Variants in PLCB1 observed in about 807,000 individuals in gnomAD.
PLCB1 encodes the protein 1-phosphatidylinositol 4,5-bisphosphate phosphodiesterase beta-1.
In PLCB1, 46 loss-of-function variants were observed where a neutral mutation model predicts 161.8. The ratio of observed to expected loss-of-function variants is 0.28; its 90% CI spans 0.22 to 0.36. The LOEUF is 0.36. PLCB1 is among the 10% of genes least tolerant of loss of function. The probability of loss-of-function intolerance (pLI) is 1.00; values close to 1 mark genes in which losing one functional copy is unlikely to be tolerated. For missense variants in PLCB1, 1,016 were observed against 1,472.5 expected, an observed-to-expected ratio of 0.69 and a Z score of 5.07; for synonymous variants, 517 against 503.7, an observed-to-expected ratio of 1.03 and a Z score of -0.35.
intron 3 of PLCB1, among the ~76,000 whole-genome samples, chr20:8,474,750 G>A (rs570177579): frequency 1.3e-5 from 2 of 152,248 alleles, no homozygotes; most frequent in East Asian, 3.9e-4. Context: ...ATTGTCAAAG[G>A]ATGGGAGGTT....
intron 26 of PLCB1, among the ~76,000 whole-genome samples, chr20:8,772,579 G>T (rs1982743812): frequency 6.6e-6 from 1 of 152,214 alleles, no homozygotes; most frequent in African/African-American, 2.4e-5. Context: ...CTCTGCTAGA[G>T]TGGTTGGAAC....
At chr20:8,566,390 C>T (rs1600157728) in intron 3 of PLCB1, among the ~76,000 whole-genome samples, 1 of 152,216 alleles carries the variant, frequency 6.6e-6, no homozygotes, top group East Asian at 1.9e-4. Flanking sequence ...AGCAGGATAA[C>T]AGATATTCTA....
intron 2 of PLCB1, among the ~76,000 whole-genome samples, chr20:8,282,049 G>A (rs1982900332): frequency 6.6e-6 from 1 of 151,980 alleles, no homozygotes; most frequent in Non-Finnish European, 1.5e-5. Flanking sequence ...ACACAAACAT[G>A]TTAAAATGCT....
intron 3 of PLCB1, among the ~76,000 whole-genome samples, chr20:8,508,791 T>G (rs1983752830): frequency 6.6e-6 from 1 of 151,194 alleles, no homozygotes; most frequent in Non-Finnish European, 1.5e-5. Context: ...CTTTGAATTA[T>G]ATATATATAT....
intron 3 of PLCB1, among the ~76,000 whole-genome samples, chr20:8,408,876 A>G (rs775494928): frequency 2.6e-5 from 4 of 152,230 alleles, no homozygotes; most frequent in Admixed American, 6.5e-5. Flanking sequence ...GTCATGTAAC[A>G]GTAATAATTT....
intron 3 of PLCB1, among the ~76,000 whole-genome samples, chr20:8,387,446 A>G (rs1212862748): frequency 6.6e-6 from 1 of 152,222 alleles, no homozygotes. Flanking sequence ...CATTAAATTC[A>G]ACATCTTATA....
intron 2 of PLCB1, among the ~76,000 whole-genome samples, chr20:8,152,429 G>A (rs918652371): frequency 4.6e-5 from 7 of 152,172 alleles, no homozygotes; most frequent in African/African-American, 1.7e-4. Context: ...TAGAGTAAAT[G>A]TGTGCTAGAA....
chr20:8,455,492 G>C lies in PLCB1; in HGVS notation c.246+84042G>C, dbSNP rs1981273444. On this transcript the variant is annotated intron_variant, in intron 3 of 31. Coordinates refer to ENST00000338037, the MANE Select transcript of PLCB1 (RefSeq NM_015192.4). The stretch of plus-strand genomic sequence containing the variant: ...GTCTCGCTCTGTCACCCAGGCTAGA[G>C]TGCAGTCTTGCAATCTCGGCTCACT... 3.1e-5 allele frequency among the ~76,000 whole-genome samples: 4 copies of C among 127,614 alleles called. No homozygotes were observed. The South Asian group carries it at 1.0e-3, about 33-fold the overall frequency. The allele number at this position is 127,614 out of a possible 152,430, so 83.7% of individuals were successfully genotyped here.
intron 3 of PLCB1, among the ~76,000 whole-genome samples, chr20:8,595,355 GT>G (rs1419855269): frequency 7.2e-6 from 1 of 138,840 alleles, no homozygotes; most frequent in African/African-American, 2.9e-5. Context: ...GCGGTGTTTG[GT>G]TTTTTGTTCT....
At chr20:8,320,815 A>G (rs1211399937) in intron 2 of PLCB1, among the ~76,000 whole-genome samples, 1 of 138,228 alleles carries the variant, frequency 7.2e-6, no homozygotes, top group Non-Finnish European at 1.6e-5. Context: ...GAAAGAAAGA[A>G]AGGGAGGGAG....
At chr20:8,409,871 G>A (rs1419646461) in intron 3 of PLCB1, among the ~76,000 whole-genome samples, 1 of 152,128 alleles carries the variant, frequency 6.6e-6, no homozygotes, top group African/African-American at 2.4e-5. Context: ...AACTAAAGCA[G>A]AGTCACAGGA....
At chr20:8,591,138 G>A (rs920191650) in intron 3 of PLCB1, among the ~76,000 whole-genome samples, 9 of 152,286 alleles carry the variant, frequency 5.9e-5, no homozygotes, top group African/African-American at 2.2e-4. Context: ...CCATGTCCCT[G>A]CAAAGGACAT....
chr20:8,384,478 G>A (rs1170306012), intron 3 of PLCB1, among the ~76,000 whole-genome samples: 1 of 151,972 alleles, frequency 6.6e-6, no homozygotes, highest in Admixed American at 6.6e-5. Context: ...TGCTCCTTTA[G>A]CTCAGTGGAG....
chr20:8,616,734 G>A (rs540511489), intron 3 of PLCB1, among the ~76,000 whole-genome samples: 1 of 152,266 alleles, frequency 6.6e-6, no homozygotes, highest in Non-Finnish European at 1.5e-5. Context: ...TTGGAGCACT[G>A]GTCAACAGCA....
In PLCB1 at chr20:8,818,539, C is replaced by T. The variant is rs117407316; in HGVS notation, c.3423+28278C>T. ...GTGAATAACTATTCAGAATAATCTA[C>T]AGATAAGTTAATGAGTTAGCAAATA... On this transcript the variant is annotated intron_variant, in intron 31 of 31. Transcript: ENST00000338037. 2.8e-3 allele frequency among the ~76,000 whole-genome samples: 433 copies of T among 152,168 alleles called. 12 individuals are homozygous for T. The East Asian group carries it at 0.066, about 23-fold the overall frequency.
Position 8,739,302 on chromosome 20 carries a change from T to C in PLCB1, c.2250T>C (p.Tyr750=). ...PTLACLRIAV[Y]EEGGKFIGHR... ...TGGCCTGTTTGAGAATAGCAGTTTA[T>C]GAAGAAGGAGGTAAATTCATTGGCC... The change falls in exon 21 of 32, where the codon TAT becomes TAC. Residue 750 remains tyrosine (Y), a synonymous_variant. Transcript: ENST00000338037. The C allele has an allele frequency of 6.2e-7, 1 of 1,614,056 alleles. No individual in the cohort carries two copies. Among genetic ancestry groups the C allele is most frequent in the Non-Finnish European group, 8.5e-7 (1 of 1,179,866 alleles).
At chr20:8,745,604 C>T (rs1232881230) in intron 23 of PLCB1, among the ~76,000 whole-genome samples, 2 of 151,510 alleles carry the variant, frequency 1.3e-5, no homozygotes, top group African/African-American at 2.4e-5. Flanking sequence ...TTATATTATA[C>T]ATATATTATG....
chr20:8,773,824 A>G (rs1365612418), intron 26 of PLCB1, among the ~76,000 whole-genome samples: 1 of 152,130 alleles, frequency 6.6e-6, no homozygotes, highest in Non-Finnish European at 1.5e-5. Context: ...AAATACAAAA[A>G]TTAGCCAGGT....
At chr20:8,190,463 G>A (rs2051956640) in intron 2 of PLCB1, among the ~76,000 whole-genome samples, 1 of 152,074 alleles carries the variant, frequency 6.6e-6, no homozygotes, top group South Asian at 2.1e-4. Context: ...TCAGGGACAA[G>A]TTATGTTTTG....
Sources: gnomAD v4.1 joint callset for allele counts (sites outside exome capture counted in the v4.1 genomes callset) on GRCh38, gnomAD v4.1.1 for gene constraint, MANE v1.5 for transcripts, NCBI Gene and HGNC (gene_info 2026-07-23, HGNC 2026-07-21) for gene names.